The following MRPS28 variants were observed in gnomAD, a reference collection of about 807,000 sequenced individuals.
The protein encoded by MRPS28 is small ribosomal subunit protein bS1m.
MRPS28 carries 7 observed loss-of-function variants against 10.8 expected under a neutral mutation model. That is an observed-to-expected ratio of 0.65 (90% confidence interval 0.37 to 1.22). MRPS28 has a LOEUF of 1.22. Among genes scored for constraint, MRPS28 ranks in the 50% most tolerant of loss-of-function variants. The pLI, the probability that MRPS28 is intolerant of heterozygous loss-of-function variation, is 0.02. For missense variants in MRPS28, 265 were observed against 232.9 expected, an observed-to-expected ratio of 1.14 and a Z score of -0.90; for synonymous variants, 121 against 93.3, an observed-to-expected ratio of 1.30 and a Z score of -1.71.
intron 2 of MRPS28, among the ~76,000 whole-genome samples, chr8:79,931,896 T>C (rs1806471519): frequency 1.3e-5 from 2 of 152,224 alleles, no homozygotes; most frequent in Admixed American, 6.5e-5. Context: ...TCTAATCTAC[T>C]GGATAAGCAA....
At chr8:79,985,973 A>G (rs1194743721) in intron 2 of MRPS28, among the ~76,000 whole-genome samples, 1 of 152,160 alleles carries the variant, frequency 6.6e-6, no homozygotes, top group Non-Finnish European at 1.5e-5. Context: ...GACACAACCA[A>G]AAAAGAGAAT....
intron 1 of MRPS28, chr8:80,029,769 C>G: frequency 6.7e-7 from 1 of 1,496,772 alleles, no homozygotes; most frequent in Non-Finnish European, 8.9e-7. Flanking sequence ...ACCTTCCCAC[C>G]AGCATTCAAT....
chr8:79,935,162 A>C (rs1474538991), intron 2 of MRPS28, among the ~76,000 whole-genome samples: 1 of 152,204 alleles, frequency 6.6e-6, no homozygotes, highest in African/African-American at 2.4e-5. Flanking sequence ...CCAACAATAC[A>C]TTACGATACT....
intron 2 of MRPS28, among the ~76,000 whole-genome samples, chr8:79,989,770 T>C (rs908213142): frequency 1.6e-4 from 25 of 152,300 alleles, no homozygotes; most frequent in African/African-American, 5.8e-4. Flanking sequence ...GAGCCTAATA[T>C]GAAGTTGCTA....
chr8:79,975,310 A>G (rs1164514379), intron 2 of MRPS28, among the ~76,000 whole-genome samples: 1 of 152,096 alleles, frequency 6.6e-6, no homozygotes, highest in East Asian at 1.9e-4. Flanking sequence ...AAAGATAATT[A>G]ATTAATTAAC....
intron 2 of MRPS28, among the ~76,000 whole-genome samples, chr8:79,982,009 G>C (rs188443523): frequency 6.6e-6 from 1 of 152,276 alleles, no homozygotes; most frequent in East Asian, 1.9e-4. Flanking sequence ...ACTTTGGGGG[G>C]GCCAAGGCAG....
At chr8:79,984,931 C>A (rs1808108376) in intron 2 of MRPS28, among the ~76,000 whole-genome samples, 1 of 152,116 alleles carries the variant, frequency 6.6e-6, no homozygotes, top group Admixed American at 6.6e-5. Flanking sequence ...GGACCTAATA[C>A]ACATCTACAG....
chr8:79,921,837 G>C (rs1810103073), intron 2 of MRPS28, among the ~76,000 whole-genome samples: 1 of 152,180 alleles, frequency 6.6e-6, no homozygotes, highest in Admixed American at 6.5e-5. Context: ...GGAGTGGTGA[G>C]AGAGGGCATC....
At chr8:79,966,233 T>G (rs1404715295) in intron 2 of MRPS28, among the ~76,000 whole-genome samples, 1 of 151,960 alleles carries the variant, frequency 6.6e-6, no homozygotes, top group Admixed American at 6.6e-5. Flanking sequence ...AGAACTTGAG[T>G]GAGCTTGTTT....
intron 2 of MRPS28, among the ~76,000 whole-genome samples, chr8:79,971,552 T>C (rs1807634558): frequency 6.6e-6 from 1 of 152,138 alleles, no homozygotes; most frequent in Non-Finnish European, 1.5e-5. Flanking sequence ...TCACCACTAA[T>C]CCATCTTCTG....
At chr8:80,023,522 T>C (rs530487529) in intron 1 of MRPS28, among the ~76,000 whole-genome samples, 57 of 152,130 alleles carry the variant, frequency 3.7e-4, no homozygotes, top group Non-Finnish European at 8.8e-5. Context: ...TAAAAAATAC[T>C]AATAAAAATA....
intron 2 of MRPS28, among the ~76,000 whole-genome samples, chr8:79,934,543 A>G (rs1331759562): frequency 6.6e-6 from 1 of 152,246 alleles, no homozygotes; most frequent in African/African-American, 2.4e-5. Context: ...CTAGGCTAAC[A>G]TCCAGTACAA....
rs76641460 is a variant in MRPS28, at chr8:80,001,023, T to C, written c.395+1976A>G. Among the ~76,000 whole-genome samples, 963 of 152,270 alleles carry C rather than the reference T, an allele frequency of 6.3e-3. 16 individuals are homozygous for C. The highest frequency in any genetic ancestry group is 0.057 in the East Asian group (296 of 5,194). ...ATTAACGGAATTCCATCCTCACATATAAAAAAAGTATATGACTAGTATTTG... is the reference window on the plus strand; with the variant it reads ...ATTAACGGAATTCCATCCTCACATACAAAAAAAGTATATGACTAGTATTTG... On this transcript the variant is annotated intron_variant, in intron 2 of 2. Coordinates refer to ENST00000276585, the MANE Select transcript of MRPS28 (RefSeq NM_014018.3).
intron 2 of MRPS28, among the ~76,000 whole-genome samples, chr8:79,954,929 G>A (rs569056493): frequency 6.6e-5 from 10 of 152,198 alleles, no homozygotes; most frequent in Admixed American, 2.0e-4. Flanking sequence ...GAACCCAGGA[G>A]GCAGAGGTTA....
At chr8:80,024,619 A>C (rs554970762) in intron 1 of MRPS28, among the ~76,000 whole-genome samples, 1 of 152,238 alleles carries the variant, frequency 6.6e-6, no homozygotes, top group African/African-American at 2.4e-5. Flanking sequence ...GACTTTCACC[A>C]TATACATATT....
At chr8:79,926,190 A>G (rs1408430785) in intron 2 of MRPS28, among the ~76,000 whole-genome samples, 1 of 152,190 alleles carries the variant, frequency 6.6e-6, no homozygotes, top group Non-Finnish European at 1.5e-5. Context: ...GGTACCTGAA[A>G]TATGCTGATG....
chr8:79,952,526 T>C (rs930508042), intron 2 of MRPS28, among the ~76,000 whole-genome samples: 3 of 152,196 alleles, frequency 2.0e-5, no homozygotes, highest in African/African-American at 7.2e-5. Context: ...CATTCTGTTA[T>C]CAAAACCTAT....
At chr8:80,004,871 G>C (rs1563540022) in intron 1 of MRPS28, among the ~76,000 whole-genome samples, 1 of 152,222 alleles carries the variant, frequency 6.6e-6, no homozygotes, top group South Asian at 2.1e-4. Context: ...CGATCAACCG[G>C]AAGAAAGGGT....
chr8:80,001,210 A>T (rs1197749549), intron 2 of MRPS28, among the ~76,000 whole-genome samples: 2 of 152,248 alleles, frequency 1.3e-5, no homozygotes, highest in Non-Finnish European at 2.9e-5. Context: ...GACAGCATCC[A>T]TGGTAGATGA....
Sources: gnomAD v4.1 joint callset for allele counts (sites outside exome capture counted in the v4.1 genomes callset) on GRCh38, gnomAD v4.1.1 for gene constraint, MANE v1.5 for transcripts, NCBI Gene and HGNC (gene_info 2026-07-23, HGNC 2026-07-21) for gene names.